The following DLG2 variants were observed in gnomAD, a reference collection of about 807,000 sequenced individuals.
DLG2 encodes the protein disks large homolog 2.
DLG2 carries 45 observed loss-of-function variants against 132.5 expected under a neutral mutation model. The observed-to-expected ratio is 0.34, with a 90% CI of 0.27 to 0.44. The LOEUF (loss-of-function observed/expected upper bound fraction) is 0.44, where lower values mean the gene tolerates loss of function less well. Among genes scored for constraint, DLG2 ranks in the 20% least tolerant of loss-of-function variants. The pLI is 1.00. For missense variants in DLG2, 1,045 were observed against 1,196.9 expected (o/e 0.87, Z 1.87); for synonymous variants, 424 against 419.6 (o/e 1.01, Z -0.13).
intron 7 of DLG2, among the ~76,000 whole-genome samples, chr11:84,508,597 A>G (rs2154513509): frequency 6.6e-6 from 1 of 151,142 alleles, no homozygotes; most frequent in South Asian, 2.1e-4. Context: ...ACAGGGTTTC[A>G]CCGTGTTGGC....
intron 19 of DLG2, among the ~76,000 whole-genome samples, chr11:83,585,102 A>G (rs535493330): frequency 1.3e-5 from 2 of 152,352 alleles, no homozygotes; most frequent in East Asian, 3.9e-4. Flanking sequence ...TTGTAATGTT[A>G]TTACAAAATA....
intron 8 of DLG2, among the ~76,000 whole-genome samples, chr11:84,195,699 T>C (rs556613603): frequency 6.6e-6 from 1 of 152,226 alleles, no homozygotes; most frequent in Admixed American, 6.5e-5. Context: ...GATAAATACA[T>C]GTTTGCGCAT....
At chr11:83,485,989 T>C (rs923123039) in intron 21 of DLG2, among the ~76,000 whole-genome samples, 2 of 152,100 alleles carry the variant, frequency 1.3e-5, no homozygotes, top group African/African-American at 4.8e-5. Flanking sequence ...AGGGGACATA[T>C]ACTTTACATT....
intron 25 of DLG2, 64 bp from the exon 26 acceptor site, chr11:83,466,881 G>C: frequency 8.9e-7 from 1 of 1,122,044 alleles, no homozygotes; most frequent in Non-Finnish European, 1.4e-6. Flanking sequence ...CCAACAAAAG[G>C]AAACTAATGT....
In DLG2 at chr11:85,593,017, AGGAG is replaced by A. The variant is rs1407464354; in HGVS notation, c.40+5636_40+5639del. 8.6e-5 allele frequency among the ~76,000 whole-genome samples: 13 copies of A among 152,028 alleles called. No individual in the cohort carries two copies. In the East Asian group the frequency reaches 2.1e-3, roughly 25 times the overall value. ...AGGAAGGAAGGACGGAAGGAAAGAA[AGGAG>A]GGAGGGAGGGAAGGAAGGAAAATAA... On this transcript the variant is annotated intron_variant, in intron 3 of 27. Transcript: ENST00000376104.
intron 7 of DLG2, among the ~76,000 whole-genome samples, chr11:84,434,982 G>T (rs1837350188): frequency 6.8e-6 from 1 of 147,182 alleles, no homozygotes; most frequent in African/African-American, 2.5e-5. Context: ...CACAATCATT[G>T]TCCATTGTAA....
chr11:84,920,688 G>A (rs1483677500), intron 6 of DLG2, among the ~76,000 whole-genome samples: 1 of 132,574 alleles, frequency 7.5e-6, no homozygotes, highest in Non-Finnish European at 1.6e-5. Flanking sequence ...GGTGACCCAG[G>A]AGTCATATTC....
rs575280132 is a variant in DLG2 at position 83,874,644 on chromosome 11, G to A, written c.1497-156C>T. Among the ~76,000 whole-genome samples the A allele has an allele frequency of 1.3e-4, 20 of 151,792 alleles. No individual in the cohort carries two copies. In the East Asian group the frequency reaches 1.7e-3, roughly 13 times the overall value. ...GTTGGTGTGCTGCACCCATTAACTC[G>A]TCATTTAACATTAGATATATCTCCT... On this transcript the variant is annotated intron_variant, in intron 15 of 27. Coordinates refer to ENST00000376104, the MANE Select transcript of DLG2 (RefSeq NM_001142699.3).
chr11:84,783,363 T>C (rs1171740511), intron 6 of DLG2, among the ~76,000 whole-genome samples: 1 of 152,178 alleles, frequency 6.6e-6, no homozygotes, highest in Admixed American at 6.5e-5. Context: ...TCTGACTCCA[T>C]CACCCTGTGC....
chr11:85,570,871 A>G (rs750040259), intron 3 of DLG2, among the ~76,000 whole-genome samples: 4 of 151,852 alleles, frequency 2.6e-5, no homozygotes, highest in Non-Finnish European at 4.4e-5. Flanking sequence ...TTTTTCTCCT[A>G]CCTGTTCAAA....
At chr11:84,356,768 T>G (rs2098615038) in intron 7 of DLG2, among the ~76,000 whole-genome samples, 2 of 151,946 alleles carry the variant, frequency 1.3e-5, no homozygotes, top group Non-Finnish European at 2.9e-5. Context: ...GATCAGATAA[T>G]GCCAGGGTAG....
intron 6 of DLG2, among the ~76,000 whole-genome samples, chr11:84,793,263 G>C (rs2074125659): frequency 6.6e-6 from 1 of 152,158 alleles, no homozygotes; most frequent in Admixed American, 6.5e-5. Flanking sequence ...ATTGTAATCA[G>C]AGAAGATGAA....
intron 7 of DLG2, among the ~76,000 whole-genome samples, chr11:84,450,234 C>A (rs939978394): frequency 1.3e-5 from 2 of 151,456 alleles, no homozygotes; most frequent in Admixed American, 1.3e-4. Context: ...TAAGCCATGG[C>A]GTAACAGTAC....
intron 6 of DLG2, among the ~76,000 whole-genome samples, chr11:84,862,080 A>G (rs1183122301): frequency 7.9e-5 from 12 of 151,696 alleles, no homozygotes; most frequent in Admixed American, 3.3e-4. Context: ...AGATATACCT[A>G]ATGCTAGATG....
At chr11:84,353,634 TG>T (rs2098594829) in intron 7 of DLG2, among the ~76,000 whole-genome samples, 1 of 152,204 alleles carries the variant, frequency 6.6e-6, no homozygotes, top group African/African-American at 2.4e-5. Flanking sequence ...AACTTTGAAA[TG>T]GTGATCACTG....
At chr11:84,330,457 G>A (rs1031427155) in intron 7 of DLG2, among the ~76,000 whole-genome samples, 1 of 152,110 alleles carries the variant, frequency 6.6e-6, no homozygotes, top group African/African-American at 2.4e-5. Context: ...ATAGAAATAG[G>A]TTTAGAAAGA....
intron 15 of DLG2, among the ~76,000 whole-genome samples, chr11:83,881,969 T>G (rs1484103831): frequency 6.6e-6 from 1 of 152,142 alleles, no homozygotes; most frequent in Non-Finnish European, 1.5e-5. Flanking sequence ...CTGAGAGAGA[T>G]AAGATCAAAA....
intron 6 of DLG2, among the ~76,000 whole-genome samples, chr11:84,619,998 G>A (rs2099611096): frequency 6.6e-6 from 1 of 150,648 alleles, no homozygotes; most frequent in Non-Finnish European, 1.5e-5. Flanking sequence ...AGACACACCT[G>A]AAGAAAAATA....
At chr11:85,091,711 C>A (rs1284772693) in intron 6 of DLG2, among the ~76,000 whole-genome samples, 1 of 152,140 alleles carries the variant, frequency 6.6e-6, no homozygotes, top group Non-Finnish European at 1.5e-5. Flanking sequence ...TTTGCTCATC[C>A]GTAACAAGCA....
Sources: allele counts gnomAD v4.1 joint callset (sites outside exome capture counted in the v4.1 genomes callset), GRCh38; gene constraint gnomAD v4.1.1; transcripts MANE v1.5; gene names NCBI Gene and HGNC (gene_info 2026-07-23, HGNC 2026-07-21).